The following MYOM1 variants were observed in gnomAD, a reference collection of about 807,000 sequenced individuals.
MYOM1 encodes myomesin-1.
Under a neutral mutation model 205.3 loss-of-function variants are expected in MYOM1, and 164 were observed. The ratio of observed to expected loss-of-function variants is 0.80; its 90% CI spans 0.70 to 0.91. The LOEUF is 0.91. Among genes scored for constraint, MYOM1 ranks in the 40% least tolerant of loss-of-function variants. MYOM1 has a pLI of 0.00. For synonymous variants in MYOM1, 772 were observed against 789.4 expected (o/e 0.98, Z 0.37); for missense variants, 2,011 against 2,127.3 (o/e 0.95, Z 1.08).
At chr18:3,137,065 C>G (rs963829089) in intron 14 of MYOM1, among the ~76,000 whole-genome samples, 13 of 152,026 alleles carry the variant, frequency 8.6e-5, no homozygotes, top group Admixed American at 6.6e-5. Context: ...ATTCTCCTGC[C>G]TCAGCCTCCC....
chr18:3,134,551 AT>A lies in MYOM1; in HGVS notation c.2384+98del, dbSNP rs947176912. The stretch of plus-strand genomic sequence containing the variant: ...CCACCACATCCAGCCAAAAAGTAAA[AT>A]TTTTTAAAAAAATCTCCTCCATTGG... On this transcript the variant is annotated intron_variant, in intron 16 of 37. Coordinates refer to ENST00000356443, the MANE Select transcript of MYOM1 (RefSeq NM_003803.4). 115 of 1,341,560 alleles carry A rather than the reference AT, an allele frequency of 8.6e-5. No individual in the cohort carries two copies. In the African/African-American group the frequency reaches 1.2e-3, roughly 14 times the overall value. 83.1% of individuals were successfully genotyped at this position (1,341,560 alleles called of 1,614,324 possible).
intron 10 of MYOM1, among the ~76,000 whole-genome samples, chr18:3,161,037 T>C (rs2080383676): frequency 6.6e-6 from 1 of 152,140 alleles, no homozygotes; most frequent in East Asian, 1.9e-4. Context: ...AGTAAAACAG[T>C]GGAAAGTGGA....
Position 3,151,724 on chromosome 18 carries a change from G to C in MYOM1, c.1813C>G (p.Leu605Val), listed in dbSNP as rs200153557. The change falls in exon 12 of 38, where the codon CTG (leucine) becomes GTG (valine). Residue 605 changes from leucine (L) to valine (V), a missense_variant. By Grantham distance (32) the Leu-to-Val change is conservative. Transcript: ENST00000356443. ...PSRVSEPVAA[L>V]DPAEKARLKS... ...AGTCTAGCTTTCTCAGCCGGATCCAGAGCAGCCACGGGCTCGGAAACTCGA... is the reference window on the plus strand; with the variant it reads ...AGTCTAGCTTTCTCAGCCGGATCCACAGCAGCCACGGGCTCGGAAACTCGA... The C allele has an allele frequency of 1.3e-4, 208 of 1,613,772 alleles. No homozygotes were observed. In the African/African-American group the frequency reaches 2.5e-3, roughly 19 times the overall value.
the MYOM1 span, among the ~76,000 whole-genome samples, chr18:3,234,707 C>A: frequency 6.6e-6 from 1 of 152,238 alleles, no homozygotes; most frequent in South Asian, 2.1e-4. Flanking sequence ...AGGCTGCCAG[C>A]CTAATTATTG....
At position 3,067,362 on chromosome 18, in the gene MYOM1, C is replaced by G. The variant is rs773494946; in HGVS notation, c.4958G>C (p.Gly1653Ala). The change falls in exon 38 of 38, where the codon GGC becomes GCC. Residue 1653 changes from glycine (G) to alanine (A), a missense_variant. By Grantham distance (60) the Gly-to-Ala change is moderately conservative. Transcript: ENST00000356443. ...GACGGTGAAGTCGCTGGTCTCCGAG[C>G]CATACTTGTTCTTCACAACCAGCCC... is the stretch of plus-strand genomic sequence containing the variant. ...KYGLVVKNKY[G>A]SETSDFTVSV... 1 of 1,612,778 alleles carries G rather than the reference C, an allele frequency of 6.2e-7. No individual in the cohort carries two copies. Among genetic ancestry groups the G allele is most frequent in the South Asian group, 1.1e-5 (1 of 91,020 alleles).
chr18:3,197,640 A>G (rs113683780), intron 2 of MYOM1, among the ~76,000 whole-genome samples: 8,015 of 151,884 alleles, frequency 0.053, 676 homozygotes, highest in African/African-American at 0.18. Context: ...TTGGGAGGCC[A>G]AGGCGGGCGG....
the MYOM1 span, among the ~76,000 whole-genome samples, chr18:3,235,716 C>A: frequency 1.3e-5 from 2 of 152,012 alleles, no homozygotes; most frequent in Admixed American, 6.6e-5. Context: ...AGATGGTAAA[C>A]AAAATGAGTA....
Position 3,071,138 on chromosome 18 carries a change from G to A in MYOM1, c.4764+696C>T, listed in dbSNP as rs187507128. 1.4e-3 allele frequency among the ~76,000 whole-genome samples: 217 copies of A among 152,160 alleles called. 2 individuals carry two copies. Among genetic ancestry groups the A allele is most frequent in the African/African-American group, 5.0e-3 (208 of 41,528 alleles). On this transcript the variant is annotated intron_variant, in intron 37 of 37. Transcript: ENST00000356443. The stretch of plus-strand genomic sequence containing the variant: ...ATTAAAAAAAGAAAGAAAGAAGCCT[G>A]TTTTCAACAGAACTAGAGCCTATAG...
intron 19 of MYOM1, among the ~76,000 whole-genome samples, chr18:3,122,786 T>C (rs2079715709): frequency 6.6e-6 from 1 of 152,196 alleles, no homozygotes; most frequent in Non-Finnish European, 1.5e-5. Flanking sequence ...AAAAAAATCA[T>C]ATAATCTTCT....
chr18:3,151,764 T>C lies in MYOM1; in HGVS notation c.1773A>G (p.Gly591=). Residue 591 remains glycine, a synonymous_variant, in exon 12 of 38, where the codon GGA becomes GGG. Transcript: ENST00000356443. ...CGGAAACTCGAGATGGGAAACCTAT[T>C]CCCATTTTATTCACAGCTCGAACTC... ...IFRVRAVNKM[G]IGFPSRVSEP... 6.2e-7 allele frequency: 1 copy of C among 1,613,814 alleles called. No individual in the cohort carries two copies. The highest frequency in any genetic ancestry group is 8.5e-7 in the Non-Finnish European group (1 of 1,179,808).
At chr18:3,246,069 A>G in the MYOM1 span, 1 of 152,370 alleles carries the variant, frequency 6.6e-6, no homozygotes, top group African/African-American at 2.4e-5. Context: ...AAGACAAAAC[A>G]ATTACCTGAC....
rs138255675 is a variant in MYOM1 at position 3,098,943 on chromosome 18, G to C, written c.3727+1216C>G. On this transcript the variant is annotated intron_variant, in intron 25 of 37. Coordinates refer to ENST00000356443, the MANE Select transcript of MYOM1 (RefSeq NM_003803.4). Reference sequence around the variant, plus strand: ...GGGCCCTCCACTCTGCTACTTTGCTGAACAAAGTTGGGTTAGTTTTTGTTT... The same window carrying C: ...GGGCCCTCCACTCTGCTACTTTGCTCAACAAAGTTGGGTTAGTTTTTGTTT... 6.9e-4 allele frequency among the ~76,000 whole-genome samples: 105 copies of C among 152,250 alleles called. 1 individual carries two copies. Among genetic ancestry groups the C allele is most frequent in the Non-Finnish European group, 8.8e-4 (60 of 68,022 alleles).
intron 25 of MYOM1, among the ~76,000 whole-genome samples, chr18:3,095,499 C>T (rs1452857342): frequency 2.6e-5 from 4 of 152,090 alleles, no homozygotes; most frequent in Admixed American, 6.5e-5. Context: ...ACCTGGGAGG[C>T]GGAGGTTGCA....
chr18:3,199,005 A>G (rs1296289918), intron 2 of MYOM1, among the ~76,000 whole-genome samples: 1 of 152,162 alleles, frequency 6.6e-6, no homozygotes, highest in Non-Finnish European at 1.5e-5. Flanking sequence ...CAGGGCTCTG[A>G]AAATCAATCA....
intron 23 of MYOM1, among the ~76,000 whole-genome samples, chr18:3,100,765 C>A (rs925610801): frequency 3.3e-5 from 5 of 152,226 alleles, no homozygotes; most frequent in African/African-American, 1.2e-4. Context: ...CCGCCAAGGG[C>A]AGAACCTGCT....
rs926105524 is a variant in MYOM1, at chr18:3,135,874, G to T, written c.2026-144C>A. 23 of 887,422 alleles carry T rather than the reference G, an allele frequency of 2.6e-5. No homozygotes were observed. The highest frequency in any genetic ancestry group is 3.7e-5 in the Non-Finnish European group (22 of 594,200). The allele number at this position is 887,422 out of a possible 1,614,324, so 55.0% of individuals were successfully genotyped here. On this transcript the variant is annotated intron_variant, in intron 14 of 37. Transcript: ENST00000356443. This position sits in a 1 kb window ranked among gnomAD's most constrained non-coding sequence, Gnocchi z 4.1. ...TGGAGGAGAGATGAGGAGGAAATAG[G>T]GGATGAGGCATCTGAAGTTCGTAGG...
At chr18:3,240,637 C>T in the MYOM1 span, among the ~76,000 whole-genome samples, 3 of 152,148 alleles carry the variant, frequency 2.0e-5, no homozygotes, top group African/African-American at 7.2e-5. Context: ...ATTAATATAG[C>T]AAATTGGTAC....
Position 3,173,992 on chromosome 18 carries a change from C to T in MYOM1, c.1120G>A (p.Gly374Arg). The T allele has an allele frequency of 6.2e-7, 1 of 1,613,452 alleles. No individual in the cohort carries two copies. The highest frequency in any genetic ancestry group is 8.5e-7 in the Non-Finnish European group (1 of 1,179,556). ...TGGAAGCGAGTCTCATCAAACTCTC[C>T]CTTATACCCTAGAGAAGAAAACAGA... ...YASVVVKRYK[G>R]EFDETRFHAG... The change falls in exon 8 of 38, where the codon GGA becomes AGA. Residue 374 changes from glycine to arginine, a missense_variant. By Grantham distance (125) the Gly-to-Arg change is moderately radical (BLOSUM62 -2). Transcript: ENST00000356443.
chr18:3,094,132 A>T (rs770096622), intron 26 of MYOM1, 38 bp downstream of exon 26: 5 of 1,607,110 alleles, frequency 3.1e-6, no homozygotes. Flanking sequence ...TGTATTCTAC[A>T]ATGATACATT....
Sources: gnomAD v4.1 joint callset for allele counts (sites outside exome capture counted in the v4.1 genomes callset) on GRCh38, gnomAD v4.1.1 for gene constraint, Gnocchi (gnomAD v3.1) non-coding constraint, MANE v1.5 for transcripts, NCBI Gene and HGNC (gene_info 2026-07-23, HGNC 2026-07-21) for gene names.